Variants in HDAC4 observed in about 807,000 individuals in gnomAD.
HDAC4 encodes the protein histone deacetylase A.
A neutral mutation model predicts 135.1 loss-of-function variants in HDAC4; 16 were observed. That is an observed-to-expected ratio of 0.12 (90% CI 0.08 to 0.18). The LOEUF is 0.18. HDAC4 is among the 10% of genes least tolerant of loss of function. The probability of loss-of-function intolerance (pLI) is 1.00; values close to 1 mark genes in which losing one functional copy is unlikely to be tolerated. For synonymous variants in HDAC4, 685 were observed against 653.4 expected, an observed-to-expected ratio of 1.05 and a Z score of -0.74; for missense variants, 1,143 against 1,511.8, an observed-to-expected ratio of 0.76 and a Z score of 4.05.
chr2:239,244,701 G>C (rs79541410), intron 2 of HDAC4, among the ~76,000 whole-genome samples: 1 of 152,134 alleles, frequency 6.6e-6, no homozygotes, highest in Non-Finnish European at 1.5e-5. Flanking sequence ...TGAACCCCCA[G>C]AGGGGTCTCC....
At chr2:239,231,478 A>T (rs2047553668) in intron 3 of HDAC4, among the ~76,000 whole-genome samples, 1 of 151,590 alleles carries the variant, frequency 6.6e-6, no homozygotes, top group Non-Finnish European at 1.5e-5. Context: ...GGGGCACAGG[A>T]GCCAGGGCAC....
intron 3 of HDAC4, among the ~76,000 whole-genome samples, chr2:239,214,668 C>T (rs955215292): frequency 6.6e-6 from 1 of 152,256 alleles, no homozygotes; most frequent in Non-Finnish European, 1.5e-5. Context: ...AGGCTCAGCA[C>T]ACGTGTTGAT....
chr2:239,185,570 G>A (rs1299867864), intron 4 of HDAC4, among the ~76,000 whole-genome samples: 1 of 152,042 alleles, frequency 6.6e-6, no homozygotes, highest in African/African-American at 2.4e-5. Flanking sequence ...TGAGGTGGGT[G>A]CCGGGGCCCA....
intron 4 of HDAC4, among the ~76,000 whole-genome samples, chr2:239,189,144 T>C (rs2044736615): frequency 6.6e-6 from 1 of 152,248 alleles, no homozygotes; most frequent in Admixed American, 6.5e-5. Context: ...AAATTACTGG[T>C]GGAATTTTAA....
rs1276156256 is a variant in HDAC4, at chr2:239,049,376, G to A, written c.*3721C>T. 6.6e-6 allele frequency: 1 copy of A among 152,410 alleles called. No individual in the cohort carries two copies. Among genetic ancestry groups the A allele is most frequent in the Non-Finnish European group, 1.5e-5 (1 of 68,024 alleles). 9.4% of individuals were successfully genotyped at this position (152,410 alleles called of 1,614,324 possible). Reference sequence around the variant, plus strand: ...CTTCTTCCCCAAAGCTGCCGAGTTTGGCGTGCAAAATCTGTATACAATATA... The same window carrying A: ...CTTCTTCCCCAAAGCTGCCGAGTTTAGCGTGCAAAATCTGTATACAATATA... On this transcript the variant is annotated 3_prime_UTR_variant, in exon 27 of 27. Coordinates refer to ENST00000543185, the MANE Select transcript of HDAC4 (RefSeq NM_001378414.1).
chr2:239,391,757 A>G (rs1299915871), intron 1 of HDAC4, among the ~76,000 whole-genome samples: 1 of 152,180 alleles, frequency 6.6e-6, no homozygotes, highest in Admixed American at 6.5e-5. Context: ...ACATCCACCA[A>G]TCAGACCCTT....
At chr2:239,291,994 A>G (rs966707966) in intron 2 of HDAC4, among the ~76,000 whole-genome samples, 5 of 152,338 alleles carry the variant, frequency 3.3e-5, no homozygotes, top group African/African-American at 9.6e-5. Flanking sequence ...AGCCCAGCTC[A>G]GGACAGCCAC....
rs377205664 is a variant in HDAC4 at position 239,169,840 on chromosome 2, C to A, written c.491-5917G>T. On this transcript the variant is annotated intron_variant, in intron 5 of 26. Transcript: ENST00000543185. ...CCCCGTCTCCTCAAGGCCTCTGCAGCCATGTCTGGAAGCGCTCCCCTGTGG... is the reference window on the plus strand; with the variant it reads ...CCCCGTCTCCTCAAGGCCTCTGCAGACATGTCTGGAAGCGCTCCCCTGTGG... 3.9e-5 allele frequency among the ~76,000 whole-genome samples: 6 copies of A among 152,272 alleles called. No individual in the cohort carries two copies. The East Asian group carries it at 9.7e-4, about 25-fold the overall frequency.
At chr2:239,087,759 A>C in intron 18 of HDAC4, 145 bp from the exon 19 acceptor site, 1 of 783,552 alleles carries the variant, frequency 1.3e-6, no homozygotes, top group Non-Finnish European at 2.2e-6. Context: ...AGTGATGGGG[A>C]CAGGATGCAG....
Position 239,331,804 on chromosome 2 carries a change from C to T in HDAC4, c.22+20874G>A, listed in dbSNP as rs1691592362. ...GGAGAGAAGGGAGGTGGAAAGAGGG[C>T]ACACTCGGCCCGCGTGTCCTCCAGA... On this transcript the variant is annotated intron_variant, in intron 2 of 26. Coordinates refer to ENST00000543185, the MANE Select transcript of HDAC4 (RefSeq NM_001378414.1). This position sits in a 1 kb window ranked among gnomAD's most constrained non-coding sequence, Gnocchi z 4.5. Among the ~76,000 whole-genome samples the T allele has an allele frequency of 1.3e-5, 2 of 152,126 alleles. No homozygotes were observed. Among genetic ancestry groups the T allele is most frequent in the South Asian group, 4.1e-4 (2 of 4,824 alleles).
intron 7 of HDAC4, 130 bp from the exon 8 acceptor site, chr2:239,144,844 G>T: frequency 1.1e-6 from 1 of 899,698 alleles, no homozygotes; most frequent in Non-Finnish European, 1.8e-6. Context: ...TTGCTGCAGG[G>T]GAGAGCGCAG....
Position 239,176,450 on chromosome 2 carries a change from C to T in HDAC4, c.453G>A (p.Lys151=), listed in dbSNP as rs771316556. ...TCTCCTTGTTCTTGAGCTGCTGCAG[C>T]TTCTGCTCCCGGTGCTGCTTCTCCA... ...QELEKQHREQ[K]LQQLKNKEKG... Residue 151 remains lysine (K), a synonymous_variant, in exon 5 of 27, where the codon AAG becomes AAA. Coordinates refer to ENST00000543185, the MANE Select transcript of HDAC4 (RefSeq NM_001378414.1). 23 of 1,613,224 alleles carry T rather than the reference C, an allele frequency of 1.4e-5. No homozygotes were observed. In the Admixed American group the frequency reaches 3.0e-4, roughly 21 times the overall value.
In HDAC4 at chr2:239,329,117, G is replaced by C. The variant is rs147487657; in HGVS notation, c.22+23561C>G. ...GCCCCAGATGGAGGCAGGCGGCATGGAAGGTCCTGCAATGCCAACCCCCCA... is the reference window on the plus strand; with the variant it reads ...GCCCCAGATGGAGGCAGGCGGCATGCAAGGTCCTGCAATGCCAACCCCCCA... On this transcript the variant is annotated intron_variant, in intron 2 of 26. Coordinates refer to ENST00000543185, the MANE Select transcript of HDAC4 (RefSeq NM_001378414.1). Among the ~76,000 whole-genome samples the C allele has an allele frequency of 4.7e-4, 72 of 152,240 alleles. No homozygotes were observed. In the East Asian group the frequency reaches 0.014, roughly 29 times the overall value.
At chr2:239,055,716 CAAA>C (rs201658364) in intron 24 of HDAC4, among the ~76,000 whole-genome samples, 16 of 71,056 alleles carry the variant, frequency 2.3e-4, no homozygotes, top group Admixed American at 9.8e-4. Flanking sequence ...GACCCTGTCT[CAAA>C]AAAAAAAAAA....
chr2:239,383,028 T>C (rs1695527510), intron 1 of HDAC4, among the ~76,000 whole-genome samples: 1 of 152,174 alleles, frequency 6.6e-6, no homozygotes, highest in African/African-American at 2.4e-5. Flanking sequence ...CAGCTTACAC[T>C]TTCTAACAAC....
chr2:239,180,760 G>GC (rs1289909183), intron 4 of HDAC4, among the ~76,000 whole-genome samples: 4 of 152,168 alleles, frequency 2.6e-5, no homozygotes, highest in South Asian at 4.1e-4. Flanking sequence ...CTGGGCCGCT[G>GC]CCCCCCATGG....
At position 239,093,354 on chromosome 2, in the gene HDAC4, A is replaced by T. The variant is rs77984125; in HGVS notation, c.2280+1656T>A. The stretch of plus-strand genomic sequence containing the variant: ...TGACAAGAGCACCTGCTGTGTGCCC[A>T]CACTTCGGCTCCCGAGGTCTACTTT... On this transcript the variant is annotated intron_variant, in intron 17 of 26. Coordinates refer to ENST00000543185, the MANE Select transcript of HDAC4 (RefSeq NM_001378414.1). Among the ~76,000 whole-genome samples the T allele has an allele frequency of 4.3e-4, 65 of 152,212 alleles. No individual in the cohort carries two copies. The East Asian group carries it at 0.012, about 29-fold the overall frequency.
At chr2:239,108,895 C>T (rs3791408) in intron 14 of HDAC4, among the ~76,000 whole-genome samples, 86,640 of 152,196 alleles carry the variant, frequency 0.57, 26,473 homozygotes, top group South Asian at 0.76. Flanking sequence ...GTGGGGGCCC[C>T]AGAACCAACT....
intron 9 of HDAC4, among the ~76,000 whole-genome samples, chr2:239,135,778 G>A (rs2040911812): frequency 6.6e-6 from 1 of 152,212 alleles, no homozygotes; most frequent in African/African-American, 2.4e-5. Flanking sequence ...TTAACAGAAC[G>A]GAGGGGCATT....
Sources: allele counts gnomAD v4.1 joint callset (sites outside exome capture counted in the v4.1 genomes callset), GRCh38; gene constraint gnomAD v4.1.1; non-coding constraint Gnocchi (gnomAD v3.1); transcripts MANE v1.5; gene names NCBI Gene and HGNC (gene_info 2026-07-23, HGNC 2026-07-21).